Variants in UNC13C observed in about 807,000 individuals in gnomAD.
The protein encoded by UNC13C is unc-13 homolog C.
A neutral mutation model predicts 245.4 loss-of-function variants in UNC13C; 174 were observed. The ratio of observed to expected loss-of-function variants is 0.71; its 90% CI spans 0.63 to 0.80. The LOEUF (loss-of-function observed/expected upper bound fraction) is 0.80, where lower values mean the gene tolerates loss of function less well. Among genes scored for constraint, UNC13C ranks in the 30% least tolerant of loss-of-function variants. The pLI, the probability that UNC13C is intolerant of heterozygous loss-of-function variation, is 0.00. For missense variants in UNC13C, 2,829 were observed against 2,602.9 expected, an observed-to-expected ratio of 1.09 and a Z score of -1.89; for synonymous variants, 992 against 895.1, an observed-to-expected ratio of 1.11 and a Z score of -1.93.
chr15:54,064,833 C>T (rs940467206), intron 2 of UNC13C, among the ~76,000 whole-genome samples: 11 of 152,140 alleles, frequency 7.2e-5, no homozygotes, highest in African/African-American at 2.2e-4. Flanking sequence ...TTTTAATTTG[C>T]TTTTACTGAC....
chr15:53,979,172 T>G (rs1453003025), intron 1 of UNC13C, among the ~76,000 whole-genome samples: 1 of 152,198 alleles, frequency 6.6e-6, no homozygotes, highest in Non-Finnish European at 1.5e-5. Context: ...CTGCTTAGTT[T>G]CCAGTCAACT....
At position 54,553,220 on chromosome 15, in the gene UNC13C, T is replaced by A. The variant is rs959263552; in HGVS notation, c.5878-2212T>A. ...ACTGTATTCTATATTACAATATATA[T>A]TATATATTGTATTCTATATTACAAT... On this transcript the variant is annotated intron_variant, in intron 28 of 32. Coordinates refer to ENST00000260323, the MANE Select transcript of UNC13C (RefSeq NM_001080534.3). Among the ~76,000 whole-genome samples, 698 of 107,498 alleles carry A rather than the reference T, an allele frequency of 6.5e-3. 4 individuals are homozygous for A. Among genetic ancestry groups the A allele is most frequent in the African/African-American group, 0.01 (297 of 28,458 alleles). 70.5% of individuals were successfully genotyped at this position (107,498 alleles called of 152,430 possible). A position where few individuals can be genotyped will look rare whatever the true frequency, so the allele number is the denominator to read the frequency against.
At chr15:53,888,146 T>C in the UNC13C span, among the ~76,000 whole-genome samples, 21,094 of 152,186 alleles carry the variant, frequency 0.14, 1,758 homozygotes, top group South Asian at 0.19. Context: ...TCCACAATGG[T>C]TGAACTAATT....
the UNC13C span, among the ~76,000 whole-genome samples, chr15:53,854,650 TTA>T: frequency 6.6e-6 from 1 of 152,082 alleles, no homozygotes; most frequent in Non-Finnish European, 1.5e-5. Flanking sequence ...TTCCATTGGT[TTA>T]TGTGTCTGTT....
intron 1 of UNC13C, among the ~76,000 whole-genome samples, chr15:54,007,413 T>C (rs756339981): frequency 1.3e-5 from 2 of 152,164 alleles, no homozygotes; most frequent in Non-Finnish European, 2.9e-5. Context: ...ATATACACTA[T>C]GGAATACTAT....
At chr15:54,414,818 A>T (rs1199648366) in intron 18 of UNC13C, among the ~76,000 whole-genome samples, 164 bp from the exon 19 acceptor site, 1 of 151,422 alleles carries the variant, frequency 6.6e-6, no homozygotes, top group African/African-American at 2.4e-5. Context: ...TCTAGTGTGT[A>T]ACATTTTTTT....
At chr15:54,554,558 A>G (rs567605143) in intron 28 of UNC13C, among the ~76,000 whole-genome samples, 1 of 152,066 alleles carries the variant, frequency 6.6e-6, no homozygotes, top group South Asian at 2.1e-4. Context: ...AAAGTCACCT[A>G]CATAAGTTTA....
chr15:53,898,102 A>G, the UNC13C span, among the ~76,000 whole-genome samples: 1 of 152,130 alleles, frequency 6.6e-6, no homozygotes, highest in Non-Finnish European at 1.5e-5. Flanking sequence ...CTGATAGTTC[A>G]ATATAAGATC....
At chr15:53,981,605 C>T (rs146746040) in intron 1 of UNC13C, among the ~76,000 whole-genome samples, 2 of 152,192 alleles carry the variant, frequency 1.3e-5, no homozygotes, top group African/African-American at 4.8e-5. Flanking sequence ...TCACTAGGCT[C>T]CAACTTTCTT....
chr15:54,426,633 G>A (rs2040764984), intron 19 of UNC13C, among the ~76,000 whole-genome samples: 2 of 151,686 alleles, frequency 1.3e-5, no homozygotes, highest in Admixed American at 6.6e-5. Context: ...CCCAGAGGGG[G>A]TAAATAGTAA....
At chr15:53,902,085 CT>C in the UNC13C span, among the ~76,000 whole-genome samples, 1 of 149,836 alleles carries the variant, frequency 6.7e-6, no homozygotes, top group African/African-American at 2.4e-5. Flanking sequence ...CTCAGGCATA[CT>C]TTTTTTCTTC....
At chr15:54,024,618 T>TA (rs1255641043) in intron 2 of UNC13C, among the ~76,000 whole-genome samples, 5 of 152,024 alleles carry the variant, frequency 3.3e-5, no homozygotes, top group Non-Finnish European at 7.4e-5. Flanking sequence ...ATGCTTCTGT[T>TA]AAAAAAATAT....
intron 2 of UNC13C, among the ~76,000 whole-genome samples, chr15:54,127,490 A>T (rs1250722747): frequency 6.6e-6 from 1 of 151,910 alleles, no homozygotes; most frequent in South Asian, 2.1e-4. Context: ...TCACTCATAA[A>T]TGGGAGTTGA....
rs559539986 is a variant in UNC13C at position 54,463,265 on chromosome 15, C to CGGGGG, written c.4934-31330_4934-31326dup. Among the ~76,000 whole-genome samples the CGGGGG allele has an allele frequency of 3.4e-4, 9 of 26,220 alleles. 1 individual carries two copies. Among genetic ancestry groups the CGGGGG allele is most frequent in the South Asian group, 1.4e-3 (1 of 694 alleles). The allele number at this position is 26,220 out of a possible 152,430, so 17.2% of individuals were successfully genotyped here. A position where few individuals can be genotyped will look rare whatever the true frequency, so the allele number is the denominator to read the frequency against. ...AATGGGCCAATCAGTAGAATGTGGG[C>CGGGGG]GGGGGGGGGGGGGGGGGCCGGTCAG... On this transcript the variant is annotated intron_variant, in intron 19 of 32. Transcript: ENST00000260323.
the UNC13C span, among the ~76,000 whole-genome samples, chr15:53,945,106 GTTA>G: frequency 6.6e-6 from 1 of 151,530 alleles, no homozygotes; most frequent in African/African-American, 2.4e-5. Context: ...TGTTAATGGG[GTTA>G]TTATTTTTCT....
chr15:54,346,542 A>G (rs962299179), intron 17 of UNC13C, among the ~76,000 whole-genome samples: 2 of 152,230 alleles, frequency 1.3e-5, no homozygotes, highest in Admixed American at 6.5e-5. Context: ...TAAATGTGGA[A>G]TCATACTTTC....
At chr15:54,017,229 T>C (rs1455200301) in intron 2 of UNC13C, among the ~76,000 whole-genome samples, 1 of 152,220 alleles carries the variant, frequency 6.6e-6, no homozygotes, top group Non-Finnish European at 1.5e-5. Context: ...TTTGTTTTTT[T>C]TGCAGGGATG....
At chr15:54,303,559 C>T (rs1311031858) in intron 13 of UNC13C, among the ~76,000 whole-genome samples, 1 of 150,046 alleles carries the variant, frequency 6.7e-6, no homozygotes, top group Non-Finnish European at 1.5e-5. Flanking sequence ...ATTAGCCCTT[C>T]CTTATTTTAT....
intron 17 of UNC13C, among the ~76,000 whole-genome samples, chr15:54,352,748 T>C (rs1008937893): frequency 6.6e-6 from 1 of 152,102 alleles, no homozygotes; most frequent in African/African-American, 2.4e-5. Context: ...CCAGAACAAG[T>C]TAATGGATAA....
Sources: gnomAD v4.1 joint callset for allele counts (sites outside exome capture counted in the v4.1 genomes callset) on GRCh38, gnomAD v4.1.1 for gene constraint, MANE v1.5 for transcripts, NCBI Gene and HGNC (gene_info 2026-07-23, HGNC 2026-07-21) for gene names.